Variants in ST3GAL6 observed in about 807,000 individuals in gnomAD.
ST3GAL6 encodes ST3 beta-galactoside alpha-2,3-sialyltransferase 6, also known as type 2 lactosamine alpha-2,3-sialyltransferase.
In ST3GAL6, 31 loss-of-function variants were observed where a neutral mutation model predicts 40.5. That is an observed-to-expected ratio of 0.77 (90% CI 0.58 to 1.03). The LOEUF (loss-of-function observed/expected upper bound fraction) is 1.03, where lower values mean the gene tolerates loss of function less well. Among genes scored for constraint, ST3GAL6 ranks in the 50% least tolerant of loss-of-function variants. The pLI, the probability that ST3GAL6 is intolerant of heterozygous loss-of-function variation, is 0.00. For synonymous variants in ST3GAL6, 129 were observed against 136.9 expected (o/e 0.94, Z 0.40); for missense variants, 357 against 393.2 (o/e 0.91, Z 0.78).
chr3:98,761,590 A>G (rs1374824070), upstream of ST3GAL6, among the ~76,000 whole-genome samples: 2 of 148,268 alleles, frequency 1.3e-5, no homozygotes, highest in Non-Finnish European at 3.0e-5. Context: ...AGCCTGGGCA[A>G]CAGAGCAAGA....
At chr3:98,761,468 G>A (rs1470595114), upstream of ST3GAL6, among the ~76,000 whole-genome samples, 1 of 151,994 alleles carries the variant, frequency 6.6e-6, no homozygotes, top group Non-Finnish European at 1.5e-5. Context: ...AATTAGCCAG[G>A]CATGGTGGCA....
chr3:98,779,854 A>G (rs1445943066), intron 5 of ST3GAL6, among the ~76,000 whole-genome samples: 1 of 152,238 alleles, frequency 6.6e-6, no homozygotes. Context: ...AATAACCTCC[A>G]TATACTTAAT....
At chr3:98,773,832 G>C in intron 4 of ST3GAL6, 88 bp from the exon 5 acceptor site, 1 of 1,007,354 alleles carries the variant, frequency 9.9e-7, no homozygotes, top group Non-Finnish European at 1.5e-6. Context: ...GTTGGAAATG[G>C]GTTTGTGTGG....
Position 98,791,853 on chromosome 3 carries a change from C to G in ST3GAL6, c.769C>G (p.Pro257Ala). 1 of 1,610,906 alleles carries G rather than the reference C, an allele frequency of 6.2e-7. No homozygotes were observed. Among genetic ancestry groups the G allele is most frequent in the Non-Finnish European group, 8.5e-7 (1 of 1,178,354 alleles). ...TCCCCTCCCCCAGAAACCTAAACAC[C>G]CAACAACAGGAATTATTGCCATCAC... is the stretch of plus-strand genomic sequence containing the variant. ...VFPKNQKPKH[P>A]TTGIIAITLA... is the part of the protein sequence containing the mutation. Residue 257 changes from proline (P) to alanine (A), a missense_variant, in exon 9 of 10, where the codon CCA becomes GCA. By Grantham distance (27) the Pro-to-Ala change is conservative. Transcript: ENST00000483910.
chr3:98,788,634 C>T (rs1268778130), intron 8 of ST3GAL6, among the ~76,000 whole-genome samples, 171 bp downstream of exon 8: 1 of 151,508 alleles, frequency 6.6e-6, no homozygotes, highest in Non-Finnish European at 1.5e-5. Context: ...TTATGTTTTT[C>T]ATTTATGTTG....
intron 2 of ST3GAL6, among the ~76,000 whole-genome samples, chr3:98,768,808 T>A (rs1938654525): frequency 6.6e-6 from 1 of 152,204 alleles, no homozygotes; most frequent in African/African-American, 2.4e-5. Context: ...CTATAGATCA[T>A]CTCCTTGAGT....
At chr3:98,784,201 A>G (rs1331419779) in intron 5 of ST3GAL6, among the ~76,000 whole-genome samples, 2 of 152,160 alleles carry the variant, frequency 1.3e-5, no homozygotes, top group Non-Finnish European at 2.9e-5. Flanking sequence ...GACACAGTCT[A>G]TTTTGTCATT....
intron 5 of ST3GAL6, chr3:98,784,682 A>C (rs1940512250): frequency 2.9e-6 from 1 of 341,846 alleles, no homozygotes. Flanking sequence ...TACTTATCTC[A>C]ATAGGTGGGT....
At chr3:98,773,616 A>G (rs1939223009) in intron 4 of ST3GAL6, 2 of 217,452 alleles carry the variant, frequency 9.2e-6, no homozygotes, top group African/African-American at 2.4e-5. Flanking sequence ...GGTTAAACTT[A>G]CTATTTCTAT....
At position 98,795,701 on chromosome 3, in the gene ST3GAL6, CTA is replaced by C. The variant is rs1418198506; in HGVS notation, c.*1942_*1943del. On this transcript the variant is annotated 3_prime_UTR_variant, in exon 10 of 10. Transcript: ENST00000483910. ...AGCGGGGAGGGCAAGGGCTGAAAGA[CTA>C]TGTATTGGGTACTATGCTCACAACC... The C allele has an allele frequency of 6.6e-6, 1 of 152,194 alleles. No individual in the cohort carries two copies. The highest frequency in any genetic ancestry group is 2.4e-5 in the African/African-American group (1 of 41,430). The allele number at this position is 152,194 out of a possible 1,614,324, so 9.4% of individuals were successfully genotyped here.
intron 1 of ST3GAL6, among the ~76,000 whole-genome samples, chr3:98,737,869 A>G (rs1014187845): frequency 6.6e-6 from 1 of 152,224 alleles, no homozygotes; most frequent in African/African-American, 2.4e-5. Flanking sequence ...ACTTTAAACC[A>G]ACAAAAACCA....
At chr3:98,763,317 CCA>C (rs201211477), upstream of ST3GAL6, 1,584 of 1,288,652 alleles carry the variant, frequency 1.2e-3, 20 homozygotes, top group African/African-American at 0.022. Flanking sequence ...TGGCCATGTT[CCA>C]CACAGTCTGG....
At chr3:98,773,893 A>G in intron 4 of ST3GAL6, 27 bp from the exon 5 acceptor site, 1 of 1,599,740 alleles carries the variant, frequency 6.3e-7, no homozygotes, top group South Asian at 1.1e-5. Context: ...TTATCCTTTT[A>G]TTCATAACAC....
intron 1 of ST3GAL6, among the ~76,000 whole-genome samples, chr3:98,749,254 C>G (rs1442589873): frequency 6.6e-6 from 1 of 151,850 alleles, no homozygotes; most frequent in African/African-American, 2.4e-5. Context: ...AGGATTGTTT[C>G]ATTTCATAAA....
intron 1 of ST3GAL6, among the ~76,000 whole-genome samples, chr3:98,755,446 A>C (rs1937349004): frequency 6.6e-6 from 1 of 152,202 alleles, no homozygotes; most frequent in African/African-American, 2.4e-5. Flanking sequence ...GCTCTGTCTC[A>C]ACATCTTGTC....
chr3:98,776,538 C>T (rs1417753572), intron 5 of ST3GAL6, among the ~76,000 whole-genome samples: 1 of 152,122 alleles, frequency 6.6e-6, no homozygotes, highest in Non-Finnish European at 1.5e-5. Context: ...CTGGCTTGTC[C>T]TTCATCATGG....
At chr3:98,781,182 C>T (rs1940079337) in intron 5 of ST3GAL6, among the ~76,000 whole-genome samples, 1 of 152,220 alleles carries the variant, frequency 6.6e-6, no homozygotes, top group East Asian at 1.9e-4. Context: ...TTTGCAGGGA[C>T]ATGGATGAAG....
chr3:98,776,514 T>C (rs1222170637), intron 5 of ST3GAL6, among the ~76,000 whole-genome samples: 1 of 152,178 alleles, frequency 6.6e-6, no homozygotes, highest in Non-Finnish European at 1.5e-5. Flanking sequence ...AGGAGGAAGG[T>C]ATTGATATTT....
chr3:98,761,001 A>C (rs921349591), upstream of ST3GAL6, among the ~76,000 whole-genome samples: 1 of 152,220 alleles, frequency 6.6e-6, no homozygotes, highest in Non-Finnish European at 1.5e-5. Flanking sequence ...ATTTATATGA[A>C]ATTTTAGAAA....
Sources: gnomAD v4.1 joint callset for allele counts (sites outside exome capture counted in the v4.1 genomes callset) on GRCh38, gnomAD v4.1.1 for gene constraint, MANE v1.5 for transcripts, NCBI Gene and HGNC (gene_info 2026-07-23, HGNC 2026-07-21) for gene names.